Variants in NRG3 observed in about 807,000 individuals in gnomAD.
NRG3 encodes the protein pro-neuregulin-3, membrane-bound isoform.
In NRG3, 31 loss-of-function variants were observed where a neutral mutation model predicts 66.9. That is an observed-to-expected ratio of 0.46 (90% CI 0.35 to 0.63). The LOEUF (loss-of-function observed/expected upper bound fraction) is 0.63, where lower values mean the gene tolerates loss of function less well. NRG3 is among the 20% of genes least tolerant of loss of function. The pLI, the probability that NRG3 is intolerant of heterozygous loss-of-function variation, is 0.00. For synonymous variants in NRG3, 393 were observed against 359.4 expected, an observed-to-expected ratio of 1.09 and a Z score of -1.06; for missense variants, 910 against 878.9, an observed-to-expected ratio of 1.04 and a Z score of -0.45.
At chr10:82,863,476 A>G (rs2064248822) in intron 3 of NRG3, among the ~76,000 whole-genome samples, 1 of 152,190 alleles carries the variant, frequency 6.6e-6, no homozygotes. Flanking sequence ...ACTCCCAACA[A>G]CAATGTAAAA....
At chr10:82,523,630 C>T (rs1005139781) in intron 2 of NRG3, among the ~76,000 whole-genome samples, 2 of 151,888 alleles carry the variant, frequency 1.3e-5, no homozygotes, top group African/African-American at 4.8e-5. Context: ...TACAAGTTAC[C>T]TCTCAGACCT....
At chr10:82,520,177 A>G (rs538480105) in intron 2 of NRG3, among the ~76,000 whole-genome samples, 20 of 148,218 alleles carry the variant, frequency 1.3e-4, no homozygotes, top group Non-Finnish European at 1.9e-4. Context: ...TAGGGCTTCC[A>G]TCTAGTATGA....
intron 4 of NRG3, among the ~76,000 whole-genome samples, chr10:82,910,173 A>G (rs1384860023): frequency 6.6e-6 from 1 of 152,222 alleles, no homozygotes; most frequent in Non-Finnish European, 1.5e-5. Context: ...AATTTTTAAA[A>G]GACAAATTTG....
rs1005502920 is a variant in NRG3, at chr10:82,292,740, T to C, written c.824-65999T>C. Among the ~76,000 whole-genome samples the C allele has an allele frequency of 3.3e-5, 5 of 152,326 alleles. No homozygotes were observed. In the South Asian group the frequency reaches 6.2e-4, roughly 19 times the overall value. On this transcript the variant is annotated intron_variant, in intron 1 of 8. Transcript: ENST00000372141. ...AATGCTAAATTTATCAAGCCAATTT[T>C]AAAAGGTCACATACTTCATGGCACC... is the stretch of plus-strand genomic sequence containing the variant.
chr10:82,633,320 A>T (rs1188702385), intron 2 of NRG3, among the ~76,000 whole-genome samples: 1 of 152,140 alleles, frequency 6.6e-6, no homozygotes, highest in African/African-American at 2.4e-5. Flanking sequence ...TCATATCTGG[A>T]TTGGGTCCAT....
At position 81,968,803 on chromosome 10, in the gene NRG3, C is replaced by T. The variant is rs1245103069; in HGVS notation, c.823+92640C>T. Among the ~76,000 whole-genome samples the T allele has an allele frequency of 2.0e-5, 3 of 152,208 alleles. No individual in the cohort carries two copies. In the South Asian group the frequency reaches 6.2e-4, roughly 31 times the overall value. The stretch of plus-strand genomic sequence containing the variant: ...AGAGGGTGATTTTTGACTCCAGCAT[C>T]TCTCAGGTTTCTGTTTACCCACCTG... On this transcript the variant is annotated intron_variant, in intron 1 of 8. Transcript: ENST00000372141.
rs1334217877 is a variant in NRG3, at chr10:82,046,776, G to C, written c.823+170613G>C. Among the ~76,000 whole-genome samples the C allele has an allele frequency of 4.5e-3, 128 of 28,758 alleles. 5 individuals carry two copies. The highest frequency in any genetic ancestry group is 0.02 in the Admixed American group (32 of 1,626). 18.9% of individuals were successfully genotyped at this position (28,758 alleles called of 152,430 possible). On this transcript the variant is annotated intron_variant, in intron 1 of 8. Coordinates refer to ENST00000372141, the MANE Select transcript of NRG3 (RefSeq NM_001010848.4). Reference sequence around the variant, plus strand: ...CTAATTTATTGAGAGTTTTTAGCATGAAGCGTTGTTGAATTTTGTCAAAGG... The same window carrying C: ...CTAATTTATTGAGAGTTTTTAGCATCAAGCGTTGTTGAATTTTGTCAAAGG...
At chr10:82,842,357 C>T (rs1301964231) in intron 3 of NRG3, among the ~76,000 whole-genome samples, 1 of 152,208 alleles carries the variant, frequency 6.6e-6, no homozygotes, top group East Asian at 1.9e-4. Context: ...GATCAATACA[C>T]ATTAACTCTC....
At chr10:82,475,705 ATACT>A (rs1354250533) in intron 2 of NRG3, among the ~76,000 whole-genome samples, 1 of 152,224 alleles carries the variant, frequency 6.6e-6, no homozygotes. Context: ...AGTGGATCAA[ATACT>A]TAAATGTAAA....
chr10:82,956,141 A>C (rs933132330), intron 5 of NRG3, among the ~76,000 whole-genome samples: 1 of 151,772 alleles, frequency 6.6e-6, no homozygotes, highest in Non-Finnish European at 1.5e-5. Flanking sequence ...CTGCAACAAG[A>C]CAAATAATGC....
chr10:82,698,361 C>T (rs2055564431), intron 2 of NRG3, among the ~76,000 whole-genome samples: 2 of 152,142 alleles, frequency 1.3e-5, no homozygotes, highest in African/African-American at 2.4e-5. Flanking sequence ...GAAAATTACA[C>T]AAGACGATAT....
intron 1 of NRG3, among the ~76,000 whole-genome samples, chr10:81,933,566 T>G (rs1399633542): frequency 3.3e-5 from 5 of 152,222 alleles, no homozygotes; most frequent in Non-Finnish European, 5.9e-5. Context: ...TATCACTTAA[T>G]GCTAGGGATT....
chr10:82,142,552 G>A (rs1040681641), intron 1 of NRG3, among the ~76,000 whole-genome samples: 1 of 152,054 alleles, frequency 6.6e-6, no homozygotes. Context: ...GTGGGGTATC[G>A]AGAAGCAGGG....
chr10:82,488,648 C>T (rs1330079766), intron 2 of NRG3, among the ~76,000 whole-genome samples: 1 of 152,112 alleles, frequency 6.6e-6, no homozygotes, highest in Non-Finnish European at 1.5e-5. Context: ...CTCAAGTGGA[C>T]TTGGCCCTCA....
chr10:82,255,579 TC>T (rs1304055152), intron 1 of NRG3, among the ~76,000 whole-genome samples: 3 of 152,008 alleles, frequency 2.0e-5, no homozygotes, highest in Non-Finnish European at 2.9e-5. Flanking sequence ...TTTCTGTAAA[TC>T]TTTTTTTTTT....
At chr10:82,271,503 C>T (rs750046736) in intron 1 of NRG3, among the ~76,000 whole-genome samples, 7 of 152,046 alleles carry the variant, frequency 4.6e-5, no homozygotes, top group Non-Finnish European at 1.0e-4. Context: ...AGAAAATCCC[C>T]TTAAAGGTGT....
chr10:82,635,418 C>G (rs1416171182), intron 2 of NRG3, among the ~76,000 whole-genome samples: 12 of 152,224 alleles, frequency 7.9e-5, no homozygotes, highest in Admixed American at 6.5e-4. Context: ...AATACATGCC[C>G]ATGATGGAGT....
intron 2 of NRG3, among the ~76,000 whole-genome samples, chr10:82,580,901 T>TTGTGTGTGTG (rs56906298): frequency 6.8e-6 from 1 of 147,210 alleles, no homozygotes. Flanking sequence ...GTTTGTAAGT[T>TTGTGTGTGTG]TGTGTGTGTG....
At chr10:82,529,031 C>T (rs1407507730) in intron 2 of NRG3, among the ~76,000 whole-genome samples, 2 of 152,126 alleles carry the variant, frequency 1.3e-5, no homozygotes, top group Non-Finnish European at 2.9e-5. Flanking sequence ...TGGTAGACTG[C>T]GACTTTGACT....
Sources: allele counts gnomAD v4.1 joint callset (sites outside exome capture counted in the v4.1 genomes callset), GRCh38; gene constraint gnomAD v4.1.1; transcripts MANE v1.5; gene names NCBI Gene and HGNC (gene_info 2026-07-23, HGNC 2026-07-21).